The following OS9 variants were observed in gnomAD, a reference collection of about 807,000 sequenced individuals.
The protein encoded by OS9 is protein OS-9.
A neutral mutation model predicts 84.7 loss-of-function variants in OS9; 58 were observed. The observed-to-expected ratio is 0.68, with a 90% CI of 0.55 to 0.85. OS9 has a LOEUF of 0.85. Among genes scored for constraint, OS9 ranks in the 40% least tolerant of loss-of-function variants. The pLI, the probability that OS9 is intolerant of heterozygous loss-of-function variation, is 0.00. For missense variants in OS9, 760 were observed against 850.9 expected (o/e 0.89, Z 1.33); for synonymous variants, 278 against 320.8 (o/e 0.87, Z 1.43).
At chr12:57,712,883 C>G (rs557733242) in intron 5 of OS9, among the ~76,000 whole-genome samples, 1 of 151,960 alleles carries the variant, frequency 6.6e-6, no homozygotes, top group South Asian at 2.1e-4. Flanking sequence ...CTGTTTCTTT[C>G]ATGAATTTGT....
chr12:57,694,615 A>G, intron 1 of OS9, 135 bp from the exon 2 acceptor site: 1 of 924,100 alleles, frequency 1.1e-6, no homozygotes, highest in Non-Finnish European at 1.7e-6. Context: ...CACCCACTAA[A>G]TACAGCTGGA....
Position 57,719,015 on chromosome 12 carries a change from A to T in OS9, c.1433A>T (p.Asp478Val), listed in dbSNP as rs199851919. The T allele has an allele frequency of 2.0e-5, 32 of 1,613,708 alleles. No homozygotes were observed. Among genetic ancestry groups the T allele is most frequent in the Non-Finnish European group, 2.7e-5 (32 of 1,179,936 alleles). The change falls in exon 12 of 15, where the codon GAT (aspartate) becomes GTT (valine). Residue 478 changes from aspartate (D) to valine (V), a missense_variant. Asp to Val is a radical substitution (Grantham distance 152, BLOSUM62 -3). Transcript: ENST00000315970. ...CAGACAGAGAAAGAGCTGGACCCAG[A>T]TGGGCTGAAGAAGGAGTCAGAGCGG... ...IQETEKELDP[D>V]GLKKESERDR...
intron 11 of OS9, among the ~76,000 whole-genome samples, 164 bp downstream of exon 11, chr12:57,718,585 A>G (rs975880863): frequency 6.6e-6 from 1 of 152,086 alleles, no homozygotes; most frequent in African/African-American, 2.4e-5. Context: ...GGGAAGGGGG[A>G]CCAGAGAGAG....
chr12:57,721,298 CA>C lies in OS9; in HGVS notation c.*390del, dbSNP rs1954673922. The C allele has an allele frequency of 5.0e-6, 1 of 201,024 alleles. No individual in the cohort carries two copies. The highest frequency in any genetic ancestry group is 2.4e-5 in the African/African-American group (1 of 42,056). The allele number at this position is 201,024 out of a possible 1,614,324, so 12.5% of individuals were successfully genotyped here. A position where few individuals can be genotyped will look rare whatever the true frequency, so the allele number is the denominator to read the frequency against. ...GGACACTTAGCAGGCACTGAGCAAG[CA>C]GGCCCCCACCTGCCCTTAGTGATGT... is the stretch of plus-strand genomic sequence containing the variant. On this transcript the variant is annotated 3_prime_UTR_variant, in exon 15 of 15. Coordinates refer to ENST00000315970, the MANE Select transcript of OS9 (RefSeq NM_006812.4).
chr12:57,703,932 G>A (rs981215356), intron 5 of OS9, among the ~76,000 whole-genome samples: 2 of 152,152 alleles, frequency 1.3e-5, no homozygotes. Flanking sequence ...TGAGTATGAC[G>A]TTAACTGTGG....
chr12:57,720,376 C>G (rs760480449), intron 13 of OS9, 30 bp from the exon 14 acceptor site: 8 of 1,598,828 alleles, frequency 5.0e-6, no homozygotes, highest in Non-Finnish European at 6.0e-6. Context: ...CAACCATCCT[C>G]TCCTCTCACT....
At chr12:57,718,049 C>T (rs1333027234) in intron 10 of OS9, 91 bp downstream of exon 10, 1 of 1,515,590 alleles carries the variant, frequency 6.6e-7, no homozygotes, top group African/African-American at 1.4e-5. Flanking sequence ...ACTCCTGGGT[C>T]CCCCAGTACC....
chr12:57,701,925 T>C (rs1207540052), intron 5 of OS9, among the ~76,000 whole-genome samples: 1 of 152,096 alleles, frequency 6.6e-6, no homozygotes, highest in Non-Finnish European at 1.5e-5. Context: ...GCCTCCTGAG[T>C]AGCTGGGACT....
intron 5 of OS9, among the ~76,000 whole-genome samples, chr12:57,697,664 T>C (rs1953886467): frequency 6.6e-6 from 1 of 152,184 alleles, no homozygotes; most frequent in Non-Finnish European, 1.5e-5. Context: ...GGTTCTGGAA[T>C]TCAGGGACAA....
Position 57,694,991 on chromosome 12 carries a change from T to A in OS9, c.339+65T>A, listed in dbSNP as rs750313469. 104 of 1,447,838 alleles carry A rather than the reference T, an allele frequency of 7.2e-5. 1 individual carries two copies. The highest frequency in any genetic ancestry group is 2.3e-4 in the South Asian group (20 of 86,998). The allele number at this position is 1,447,838 out of a possible 1,614,324, so 89.7% of individuals were successfully genotyped here. A position where few individuals can be genotyped will look rare whatever the true frequency, so the allele number is the denominator to read the frequency against. ...CTAGCAGTTCATCCAAGAACTGGAGTCCACTGAATGAGGCAGGATCTAGGG... is the reference window on the plus strand; with the variant it reads ...CTAGCAGTTCATCCAAGAACTGGAGACCACTGAATGAGGCAGGATCTAGGG... On this transcript the variant is annotated intron_variant, in intron 2 of 14. Transcript: ENST00000315970.
At chr12:57,703,203 A>G (rs1954074092) in intron 5 of OS9, among the ~76,000 whole-genome samples, 1 of 151,988 alleles carries the variant, frequency 6.6e-6, no homozygotes. Context: ...AAAAGCTTTT[A>G]ATTTTGATTT....
chr12:57,706,907 G>A (rs1371239635), intron 5 of OS9, among the ~76,000 whole-genome samples: 2 of 144,620 alleles, frequency 1.4e-5, no homozygotes, highest in East Asian at 2.0e-4. Flanking sequence ...CCCACAATAT[G>A]CTACAAAACC....
chr12:57,718,000 A>G (rs1050228246), intron 10 of OS9, 42 bp downstream of exon 10: 20 of 1,564,886 alleles, frequency 1.3e-5, no homozygotes, highest in Non-Finnish European at 1.7e-5. Context: ...CCACCTCCCA[A>G]CTGCGAGCAT....
At chr12:57,701,833 G>T (rs1020852649) in intron 5 of OS9, among the ~76,000 whole-genome samples, 1 of 152,030 alleles carries the variant, frequency 6.6e-6, no homozygotes, top group Non-Finnish European at 1.5e-5. Flanking sequence ...TTTCACTCTT[G>T]TTGCCCAGGC....
chr12:57,704,570 T>G (rs1298754638), intron 5 of OS9, among the ~76,000 whole-genome samples: 1 of 152,112 alleles, frequency 6.6e-6, no homozygotes, highest in East Asian at 1.9e-4. Context: ...ATTGTTTTCT[T>G]GTAGTATTTT....
Position 57,720,739 on chromosome 12 carries a change from C to G in OS9, c.1879-45C>G, listed in dbSNP as rs375083374. ...CTGCCTGGCCCAGGACTTCCCTGGGCTCAACGGCCAGTAGCTCCAGCCCAC... is the reference window on the plus strand; with the variant it reads ...CTGCCTGGCCCAGGACTTCCCTGGGGTCAACGGCCAGTAGCTCCAGCCCAC... On this transcript the variant is annotated intron_variant, in intron 14 of 14. Transcript: ENST00000315970. 3.1e-5 allele frequency: 48 copies of G among 1,564,130 alleles called. No individual in the cohort carries two copies. In the African/African-American group the frequency reaches 4.9e-4, roughly 16 times the overall value.
chr12:57,714,979 A>G (rs1258471908), intron 5 of OS9, among the ~76,000 whole-genome samples: 1 of 150,830 alleles, frequency 6.6e-6, no homozygotes, highest in Non-Finnish European at 1.5e-5. Context: ...CTCTTTCTGA[A>G]TGATATAAGA....
chr12:57,696,753 G>A (rs1040657268), intron 5 of OS9, among the ~76,000 whole-genome samples: 24 of 151,752 alleles, frequency 1.6e-4, no homozygotes, highest in African/African-American at 5.6e-4. Context: ...CCGAGGTCGT[G>A]CCACTGTGCT....
chr12:57,694,917 C>A lies in OS9; in HGVS notation c.330C>A (p.Cys110Ter), dbSNP rs776596157. ...TGAGCCCAATGAGAGATGCTCCCTGCTTGCTGAAGGTGAAAGGGACTGGGT... is the reference window on the plus strand; with the variant it reads ...TGAGCCCAATGAGAGATGCTCCCTGATTGCTGAAGGTGAAAGGGACTGGGT... ...ELLSPMRDAP[C>*]LLKTKDWWTY... Residue 110 changes from cysteine to a stop codon, truncating the protein, a stop_gained, in exon 2 of 15, where the codon TGC (cysteine) becomes TGA (stop). Transcript: ENST00000315970. LOFTEE classifies it high-confidence loss of function. 2 of 1,613,860 alleles carry A rather than the reference C, an allele frequency of 1.2e-6. No individual in the cohort carries two copies. Among genetic ancestry groups the A allele is most frequent in the Non-Finnish European group, 8.5e-7 (1 of 1,179,900 alleles).
Sources: allele counts gnomAD v4.1 joint callset (sites outside exome capture counted in the v4.1 genomes callset), GRCh38; gene constraint gnomAD v4.1.1; transcripts MANE v1.5; gene names NCBI Gene and HGNC (gene_info 2026-07-23, HGNC 2026-07-21).